WNK1: variants seen among roughly 807,000 people sequenced by gnomAD.
The protein encoded by WNK1 is serine/threonine-protein kinase WNK1.
Under a neutral mutation model 222.8 loss-of-function variants are expected in WNK1, and 38 were observed. That is an observed-to-expected ratio of 0.17 (90% confidence interval 0.13 to 0.22). WNK1 has a LOEUF of 0.22. Ranked by LOEUF, WNK1 falls within the 10% of genes least tolerant of loss-of-function variation. The pLI, the probability that WNK1 is intolerant of heterozygous loss-of-function variation, is 1.00. For synonymous variants in WNK1, 1,090 were observed against 1,092.9 expected, an observed-to-expected ratio of 1.00 and a Z score of 0.05; for missense variants, 2,348 against 2,918.4, an observed-to-expected ratio of 0.80 and a Z score of 4.50.
At chr12:842,641 A>G (rs144533499) in intron 4 of WNK1, among the ~76,000 whole-genome samples, 149 of 152,276 alleles carry the variant, frequency 9.8e-4, no homozygotes, top group African/African-American at 3.4e-3. Flanking sequence ...TTCTAATGTT[A>G]GGAGTCCTTT....
chr12:878,895 ATGTG>A (rs1325020587), intron 10 of WNK1, among the ~76,000 whole-genome samples: 2 of 151,738 alleles, frequency 1.3e-5, no homozygotes, highest in African/African-American at 4.8e-5. Context: ...TTGTGCATGT[ATGTG>A]CACAGTGTAT....
chr12:902,874 T>G (rs909638910), intron 26 of WNK1, among the ~76,000 whole-genome samples: 1 of 152,200 alleles, frequency 6.6e-6, no homozygotes, highest in African/African-American at 2.4e-5. Context: ...AAAAACATAG[T>G]TCAAGTAGAA....
chr12:797,076 T>C (rs1945383401), intron 1 of WNK1, among the ~76,000 whole-genome samples: 1 of 152,242 alleles, frequency 6.6e-6, no homozygotes, highest in Admixed American at 6.5e-5. Context: ...ATACATATGC[T>C]GATTTTCATT....
In WNK1 at chr12:753,438, C is replaced by A; in HGVS notation, c.-128C>A. On this transcript the variant is annotated 5_prime_UTR_variant, in exon 1 of 28. Transcript: ENST00000315939. This position sits in a 1 kb window ranked among gnomAD's most constrained non-coding sequence, Gnocchi z 5.2. ...TGCGGCTTGTCGGTGCTGAGTGAGG[C>A]GTCGTCCGGGTCGGCGCGAACCCGC... 3 of 1,229,444 alleles carry A rather than the reference C, an allele frequency of 2.4e-6. No homozygotes were observed. The highest frequency in any genetic ancestry group is 3.4e-6 in the Non-Finnish European group (3 of 879,954). The allele number at this position is 1,229,444 out of a possible 1,614,324, so 76.2% of individuals were successfully genotyped here.
At chr12:861,887 A>G (rs1358398223) in intron 7 of WNK1, among the ~76,000 whole-genome samples, 196 bp from the exon 8 acceptor site, 1 of 152,226 alleles carries the variant, frequency 6.6e-6, no homozygotes, top group Admixed American at 6.5e-5. Flanking sequence ...ATTCTGTGAT[A>G]GCCATATGGA....
At chr12:878,120 A>G in intron 9 of WNK1, 92 bp from the exon 10 acceptor site, 3 of 1,494,598 alleles carry the variant, frequency 2.0e-6, no homozygotes, top group Non-Finnish European at 2.8e-6. Context: ...ATCATTATTT[A>G]CAGACACTGA....
At chr12:823,063 G>T (rs1238191879) in intron 2 of WNK1, among the ~76,000 whole-genome samples, 1 of 151,834 alleles carries the variant, frequency 6.6e-6, no homozygotes, top group Non-Finnish European at 1.5e-5. Flanking sequence ...GGTTTTTTTT[G>T]GGGTTTTGCT....
chr12:856,131 G>A (rs1011858355), intron 4 of WNK1, among the ~76,000 whole-genome samples: 1 of 151,340 alleles, frequency 6.6e-6, no homozygotes, highest in Non-Finnish European at 1.5e-5. Context: ...GAGCCACGGC[G>A]CCCAACCTGA....
intron 8 of WNK1, among the ~76,000 whole-genome samples, chr12:867,308 A>G (rs1293890290): frequency 1.3e-5 from 2 of 152,224 alleles, no homozygotes; most frequent in Admixed American, 6.5e-5. Context: ...ATCTTTTACT[A>G]TCCACCAAAA....
chr12:866,495 T>C (rs2154070343), intron 8 of WNK1, among the ~76,000 whole-genome samples: 1 of 152,230 alleles, frequency 6.6e-6, no homozygotes, highest in East Asian at 1.9e-4. Context: ...CCCGAGTAGC[T>C]AGGACTACAG....
In WNK1 at chr12:905,247, A is replaced by G. The variant is rs191590498; in HGVS notation, c.6644-2600A>G. Reference sequence around the variant, plus strand: ...TTTTATAGTCAAGTCTCCTTTTCTTAGGAGTTAATTTCTGGTCAGAAAATG... The same window carrying G: ...TTTTATAGTCAAGTCTCCTTTTCTTGGGAGTTAATTTCTGGTCAGAAAATG... On this transcript the variant is annotated intron_variant, in intron 26 of 27. Transcript: ENST00000315939. 1.2e-3 allele frequency among the ~76,000 whole-genome samples: 187 copies of G among 152,278 alleles called. 3 individuals are homozygous for G. Among genetic ancestry groups the G allele is most frequent in the Non-Finnish European group, 4.0e-4 (27 of 68,014 alleles).
chr12:877,154 C>G (rs1952704911), intron 9 of WNK1, among the ~76,000 whole-genome samples: 1 of 149,658 alleles, frequency 6.7e-6, no homozygotes, highest in Non-Finnish European at 1.5e-5. Flanking sequence ...ACCTCCGCCT[C>G]CCAGGTTCAA....
At chr12:762,174 C>T (rs574372053) in intron 1 of WNK1, among the ~76,000 whole-genome samples, 2 of 145,672 alleles carry the variant, frequency 1.4e-5, no homozygotes, top group Admixed American at 1.4e-4. Flanking sequence ...ATTGTCATGC[C>T]TCAGCCTCCC....
Position 827,966 on chromosome 12 carries a change from T to C in WNK1, c.1153+704T>C, listed in dbSNP as rs1274436267. 1.3e-5 allele frequency among the ~76,000 whole-genome samples: 2 copies of C among 152,118 alleles called. No homozygotes were observed. Among genetic ancestry groups the C allele is most frequent in the African/African-American group, 4.8e-5 (2 of 41,432 alleles). On this transcript the variant is annotated intron_variant, in intron 3 of 27. Coordinates refer to ENST00000315939, the MANE Select transcript of WNK1 (RefSeq NM_018979.4). This position sits in a 1 kb window ranked among gnomAD's most constrained non-coding sequence, Gnocchi z 4.6. Reference sequence around the variant, plus strand: ...AAAATTAAAAGATAAAAATTAAATTTTTAAACATATAAAATGTCTGTTGGA... The same window carrying C: ...AAAATTAAAAGATAAAAATTAAATTCTTAAACATATAAAATGTCTGTTGGA...
At chr12:858,396 G>A (rs1228465955) in intron 5 of WNK1, among the ~76,000 whole-genome samples, 2 of 152,034 alleles carry the variant, frequency 1.3e-5, no homozygotes, top group Admixed American at 6.6e-5. Context: ...CACCATATTG[G>A]TCAGGCGGGT....
At chr12:802,128 G>A (rs955433731) in intron 1 of WNK1, among the ~76,000 whole-genome samples, 2 of 152,072 alleles carry the variant, frequency 1.3e-5, no homozygotes, top group Non-Finnish European at 2.9e-5. Context: ...CCAAAATATG[G>A]TACATATACT....
intron 6 of WNK1, among the ~76,000 whole-genome samples, chr12:860,743 T>C (rs554016501): frequency 1.3e-5 from 2 of 152,292 alleles, no homozygotes; most frequent in Admixed American, 6.5e-5. Flanking sequence ...CCCTATTGTT[T>C]CGTTGTTTGT....
chr12:804,717 C>G (rs1348066964), intron 1 of WNK1, among the ~76,000 whole-genome samples: 1 of 151,952 alleles, frequency 6.6e-6, no homozygotes, highest in Non-Finnish European at 1.5e-5. Flanking sequence ...CCCCATTGTC[C>G]CCTTTCCCTG....
chr12:829,699 A>G (rs1052943360), intron 3 of WNK1, among the ~76,000 whole-genome samples: 1 of 152,118 alleles, frequency 6.6e-6, no homozygotes, highest in Admixed American at 6.5e-5. Context: ...TTAGTTTATT[A>G]TCTTAGCCAA....
Sources: allele counts gnomAD v4.1 joint callset (sites outside exome capture counted in the v4.1 genomes callset), GRCh38; gene constraint gnomAD v4.1.1; non-coding constraint Gnocchi (gnomAD v3.1); transcripts MANE v1.5; gene names NCBI Gene and HGNC (gene_info 2026-07-23, HGNC 2026-07-21).